The following AMOT variants were observed in gnomAD, a reference collection of about 807,000 sequenced individuals.
AMOT encodes the protein angiomotin.
AMOT carries 11 observed loss-of-function variants against 67.0 expected under a neutral mutation model. That is an observed-to-expected ratio of 0.16 (90% CI 0.10 to 0.27). The LOEUF is 0.27. Ranked by LOEUF, AMOT falls within the 10% of genes least tolerant of loss-of-function variation. AMOT has a pLI of 1.00. For synonymous variants in AMOT, 326 were observed against 321.4 expected (o/e 1.01, Z -0.15); for missense variants, 753 against 852.0 (o/e 0.88, Z 1.45).
chrX:112,782,045 C>T (rs1203419988), intron 11 of AMOT, among the ~76,000 whole-genome samples: 2 of 111,394 alleles, frequency 1.8e-5, no homozygotes, highest in Non-Finnish European at 3.8e-5. Context: ...CCCGCCACCA[C>T]ACCTGGCTAA....
intron 11 of AMOT, 147 bp from the exon 12 acceptor site, chrX:112,781,265 C>A (rs1933156750): frequency 2.0e-6 from 1 of 502,753 alleles, no homozygotes; most frequent in Non-Finnish European, 3.2e-6. Flanking sequence ...CATGGTGAAA[C>A]CCTGTCTCTA....
At chrX:112,821,056 T>C (rs1008197653) in intron 4 of AMOT, among the ~76,000 whole-genome samples, 3 of 109,704 alleles carry the variant, frequency 2.7e-5, no homozygotes, top group African/African-American at 1.0e-4. Context: ...AAAAAAGAAA[T>C]ACCAGGAAAT....
chrX:112,815,513 C>T lies in AMOT; in HGVS notation c.1237G>A (p.Ala413Thr). The change falls in exon 5 of 14, where the codon GCT becomes ACT. Residue 413 changes from alanine (A) to threonine (T), a missense_variant. Transcript: ENST00000371959. ...PGEAYSAMPR[A>T]QPSSASYQPV... ...TGATAAGAAGCAGAGGATGGCTGAG[C>T]CCGAGGCATAGCTGAATAGGCTTCT... 2 of 1,211,395 alleles carry T rather than the reference C, an allele frequency of 1.7e-6. No homozygotes were observed. The highest frequency in any genetic ancestry group is 2.2e-6 in the Non-Finnish European group (2 of 895,511).
At chrX:112,819,240 C>G in intron 4 of AMOT, 5 of 429,962 alleles carry the variant, frequency 1.2e-5, no homozygotes, top group Non-Finnish European at 1.5e-5. Flanking sequence ...ACTCCACACT[C>G]CTGGCACACA....
chrX:112,785,526 A>G (rs1933338060), intron 10 of AMOT, among the ~76,000 whole-genome samples: 1 of 112,381 alleles, frequency 8.9e-6, no homozygotes, highest in African/African-American at 3.2e-5. Flanking sequence ...CTTACAAGGG[A>G]AGAGAAAAAA....
intron 11 of AMOT, among the ~76,000 whole-genome samples, chrX:112,782,136 G>A (rs2269958): frequency 0.087 from 9,673 of 111,573 alleles, 376 homozygotes; most frequent in Non-Finnish European, 0.11. Flanking sequence ...TGATCCGCCC[G>A]CCTTGGCCTT....
At chrX:112,836,383 T>C (rs1401026800) in intron 1 of AMOT, among the ~76,000 whole-genome samples, 1 of 112,101 alleles carries the variant, frequency 8.9e-6, no homozygotes, top group Non-Finnish European at 1.9e-5. Context: ...GGATTACTTA[T>C]TATATCCATT....
intron 5 of AMOT, among the ~76,000 whole-genome samples, chrX:112,814,462 C>G (rs1468380079): frequency 1.8e-5 from 2 of 109,620 alleles, no homozygotes; most frequent in Admixed American, 9.8e-5. Flanking sequence ...GTCCCTCCCC[C>G]ACCTTCACCC....
intron 5 of AMOT, among the ~76,000 whole-genome samples, chrX:112,815,072 T>A (rs1215370464): frequency 8.9e-6 from 1 of 112,296 alleles, no homozygotes; most frequent in Non-Finnish European, 1.9e-5. Context: ...TCACTGCCTT[T>A]TGGAATTCTA....
chrX:112,777,987 G>C lies in AMOT; in HGVS notation c.*580C>G, dbSNP rs932092543. 8.9e-6 allele frequency: 1 copy of C among 112,135 alleles called. No individual in the cohort carries two copies. Among genetic ancestry groups the C allele is most frequent in the African/African-American group, 3.3e-5 (1 of 30,724 alleles). The allele number at this position is 112,135 out of a possible 1,213,427, so 9.2% of individuals were successfully genotyped here. ...CACAATTCCCTGGGGCAGGGTAGCT[G>C]GGAAACTGGAAGAAAAAATTAGCTC... On this transcript the variant is annotated 3_prime_UTR_variant, in exon 14 of 14. Transcript: ENST00000371959.
At chrX:112,814,792 G>C (rs924404287) in intron 5 of AMOT, among the ~76,000 whole-genome samples, 2 of 111,882 alleles carry the variant, frequency 1.8e-5, no homozygotes, top group African/African-American at 6.5e-5. Context: ...TTGAGCTGCA[G>C]GGAGGGACCA....
At chrX:112,794,853 C>T (rs978620228) in intron 8 of AMOT, among the ~76,000 whole-genome samples, 9 of 111,632 alleles carry the variant, frequency 8.1e-5, no homozygotes, top group Non-Finnish European at 1.5e-4. Context: ...CATTCCAGTC[C>T]TCTCAACTTT....
chrX:112,816,853 C>T (rs906756956), intron 4 of AMOT, among the ~76,000 whole-genome samples: 10 of 112,073 alleles, frequency 8.9e-5, no homozygotes, highest in Admixed American at 2.8e-4. Context: ...TAATGTGGCT[C>T]TCCCATTTTT....
intron 1 of AMOT, among the ~76,000 whole-genome samples, chrX:112,833,192 C>G (rs1038589061): frequency 1.8e-5 from 2 of 111,826 alleles, no homozygotes; most frequent in Non-Finnish European, 3.8e-5. Flanking sequence ...AGGGCCACAA[C>G]TGGCCCATAT....
At chrX:112,831,182 G>A (rs1296345395) in intron 2 of AMOT, among the ~76,000 whole-genome samples, 3 of 109,999 alleles carry the variant, frequency 2.7e-5, no homozygotes, top group African/African-American at 9.9e-5. Context: ...ATAGGTCAGA[G>A]ATGCCCCTGG....
rs1234493792 is a variant in AMOT at position 112,823,093 on chromosome X, T to C, written c.34A>G (p.Thr12Ala). The change falls in exon 4 of 14, where the codon ACC becomes GCC. Residue 12 changes from threonine to alanine, a missense_variant. Thr to Ala is a moderately conservative substitution (Grantham distance 58). Coordinates refer to ENST00000371959, the MANE Select transcript of AMOT (RefSeq NM_001113490.2). ...TGTAGCAAACGCTGCAATACCGTGG[T>C]CCCTCCACTTGGCTGTTCTTCAGAA... ...RNSEEQPSGG[T>A]TVLQRLLQEQ... 8.6e-7 allele frequency: 1 copy of C among 1,163,594 alleles called. No homozygotes were observed. Among genetic ancestry groups the C allele is most frequent in the Non-Finnish European group, 1.1e-6 (1 of 870,601 alleles).
At chrX:112,780,729 TG>T in intron 12 of AMOT, 156 bp downstream of exon 12, 1 of 496,182 alleles carries the variant, frequency 2.0e-6, no homozygotes, top group Non-Finnish European at 3.3e-6. Context: ...CTCCAGAATG[TG>T]GAACTAGGGT....
At chrX:112,782,479 G>A (rs924932860) in intron 11 of AMOT, 61 bp downstream of exon 11, 7 of 1,196,017 alleles carry the variant, frequency 5.9e-6, no homozygotes, top group Non-Finnish European at 7.9e-6. Context: ...TGTGAATAAA[G>A]ATCCTATGTG....
intron 6 of AMOT, among the ~76,000 whole-genome samples, 178 bp downstream of exon 6, chrX:112,811,071 T>G (rs1934348609): frequency 8.9e-6 from 1 of 111,830 alleles, no homozygotes; most frequent in Non-Finnish European, 1.9e-5. Flanking sequence ...TCAATCAAGC[T>G]TGGGACTGAG....
Sources: allele counts gnomAD v4.1 joint callset (sites outside exome capture counted in the v4.1 genomes callset), GRCh38; gene constraint gnomAD v4.1.1; transcripts MANE v1.5; gene names NCBI Gene and HGNC (gene_info 2026-07-23, HGNC 2026-07-21).